The following MYO7B variants were observed in gnomAD, a reference collection of about 807,000 sequenced individuals.
MYO7B encodes unconventional myosin-VIIb.
MYO7B carries 212 observed loss-of-function variants against 259.7 expected under a neutral mutation model. The observed-to-expected ratio is 0.82, with a 90% CI of 0.73 to 0.91. The LOEUF is 0.91. MYO7B is among the 40% of genes least tolerant of loss of function. The pLI is 0.00. For synonymous variants in MYO7B, 1,197 were observed against 1,166.4 expected (o/e 1.03, Z -0.54); for missense variants, 2,732 against 2,813.5 (o/e 0.97, Z 0.66).
chr2:127,629,538 C>T (rs1383020109), intron 34 of MYO7B, 107 bp from the exon 35 acceptor site: 3 of 1,148,258 alleles, frequency 2.6e-6, no homozygotes, highest in African/African-American at 3.2e-5. Context: ...CTTCTGCCCA[C>T]CACTCTATGC....
intron 1 of MYO7B, among the ~76,000 whole-genome samples, chr2:127,550,304 G>A (rs1693398397): frequency 6.6e-6 from 1 of 152,214 alleles, no homozygotes; most frequent in African/African-American, 2.4e-5. Flanking sequence ...AGTGGCTCAT[G>A]CCTGTAATCC....
intron 29 of MYO7B, 95 bp downstream of exon 29, chr2:127,623,470 A>G: frequency 7.6e-7 from 1 of 1,311,474 alleles, no homozygotes; most frequent in Non-Finnish European, 1.0e-6. Flanking sequence ...CAGCCCGGCC[A>G]CCACCTACCC....
chr2:127,589,852 G>A (rs1254750289), intron 15 of MYO7B, among the ~76,000 whole-genome samples: 22 of 136,436 alleles, frequency 1.6e-4, no homozygotes, highest in African/African-American at 5.8e-4. Flanking sequence ...TGGATGGGTG[G>A]TGGGCGGGTG....
chr2:127,603,836 A>G (rs1159118716), intron 19 of MYO7B, among the ~76,000 whole-genome samples: 3 of 152,238 alleles, frequency 2.0e-5, no homozygotes, highest in Admixed American at 2.0e-4. Flanking sequence ...TGTTTTGTCT[A>G]CATTGAAAAT....
intron 9 of MYO7B, among the ~76,000 whole-genome samples, chr2:127,578,991 T>G (rs1678996350): frequency 6.6e-6 from 1 of 151,722 alleles, no homozygotes; most frequent in Admixed American, 6.6e-5. Flanking sequence ...ACATAGAAAT[T>G]CCATTCTAAA....
At chr2:127,551,006 C>A (rs1028955712) in intron 1 of MYO7B, among the ~76,000 whole-genome samples, 1 of 147,380 alleles carries the variant, frequency 6.8e-6, no homozygotes, top group South Asian at 2.2e-4. Flanking sequence ...TGGGTGGTTC[C>A]GGCCCAGGGA....
chr2:127,629,551 CG>C (rs1681347276), intron 34 of MYO7B, 93 bp from the exon 35 acceptor site: 1 of 1,260,890 alleles, frequency 7.9e-7, no homozygotes, highest in African/African-American at 1.5e-5. Flanking sequence ...CTCTATGCCT[CG>C]GTTTCATCTG....
In MYO7B at chr2:127,623,253, G is replaced by A. The variant is rs1195860795; in HGVS notation, c.3697G>A (p.Glu1233Lys). ...CATCCAAGTCATCTTGGCCACTGGA[G>A]AGAGCCTAACCGTCCCCGTGGACTC... ...IPIQVILATG[E>K]SLTVPVDSAS... The change falls in exon 29 of 48, where the codon GAG (glutamate) becomes AAG (lysine). Residue 1233 changes from glutamate (E) to lysine (K), a missense_variant. This residue lies in a region of MYO7B where 1,906 missense variants were observed against 2,026.4 expected (regional missense o/e 0.94). Transcript: ENST00000409816. 8.7e-6 allele frequency: 14 copies of A among 1,613,724 alleles called. No homozygotes were observed. Among genetic ancestry groups the A allele is most frequent in the Non-Finnish European group, 1.2e-5 (14 of 1,179,806 alleles).
intron 19 of MYO7B, among the ~76,000 whole-genome samples, chr2:127,603,300 A>G (rs908808814): frequency 2.0e-5 from 3 of 152,196 alleles, no homozygotes; most frequent in Non-Finnish European, 2.9e-5. Flanking sequence ...GCCCAGATCT[A>G]TTAGGAGAAT....
At position 127,623,334 on chromosome 2, in the gene MYO7B, G is replaced by A. The variant is rs1558843520; in HGVS notation, c.3778G>A (p.Asp1260Asn). The A allele has an allele frequency of 3.7e-6, 6 of 1,609,140 alleles. No individual in the cohort carries two copies. The highest frequency in any genetic ancestry group is 2.2e-5 in the South Asian group (2 of 90,626). The stretch of plus-strand genomic sequence containing the variant: ...CATCGCTCACAAGCAGGGCCTCAGC[G>A]ACCACCTGGGCTTCTCCCTCCAGGT... ...MHIAHKQGLSDHLGFSLQVAV... is the reference protein window; with the variant it reads ...MHIAHKQGLSNHLGFSLQVAV... The change falls in exon 29 of 48, where the codon GAC (aspartate) becomes AAC (asparagine). Residue 1260 changes from aspartate (D) to asparagine (N), a missense_variant. Physicochemically the swap from Asp to Asn is conservative, Grantham distance 23. Coordinates refer to ENST00000409816, the MANE Select transcript of MYO7B (RefSeq NM_001393586.1).
At chr2:127,630,954 C>A in intron 36 of MYO7B, 46 bp downstream of exon 36, 1 of 1,519,966 alleles carries the variant, frequency 6.6e-7, no homozygotes, top group Non-Finnish European at 8.9e-7. Context: ...CACCTCCCAG[C>A]CCCACCTCAC....
rs1416489546 is a variant in MYO7B at position 127,634,973 on chromosome 2, T to C, written c.5714-147T>C. The C allele has an allele frequency of 1.4e-5, 10 of 703,346 alleles. No individual in the cohort carries two copies. The East Asian group carries it at 2.2e-4, about 15-fold the overall frequency. The allele number at this position is 703,346 out of a possible 1,614,324, so 43.6% of individuals were successfully genotyped here. ...GGAGAAGGCAGCCTCTACACTAATA[T>C]TGAAGGAAAATGTGGGGACTGGGGA... On this transcript the variant is annotated intron_variant, in intron 42 of 47. Transcript: ENST00000409816.
intron 18 of MYO7B, among the ~76,000 whole-genome samples, chr2:127,593,967 C>T (rs564315078): frequency 8.5e-5 from 13 of 152,336 alleles, no homozygotes; most frequent in African/African-American, 2.6e-4. Flanking sequence ...GAGCTCAGGG[C>T]GGTCTGCCGG....
At position 127,539,055 on chromosome 2, in the gene MYO7B, G is replaced by A. The variant is rs1281668813; in HGVS notation, c.-24+3224G>A. On this transcript the variant is annotated intron_variant, in intron 1 of 47. Transcript: ENST00000409816. This position sits in a 1 kb window ranked among gnomAD's most constrained non-coding sequence, Gnocchi z 4.0. The stretch of plus-strand genomic sequence containing the variant: ...CTGTCTGAGCTCCTACTCTGTTCTG[G>A]GGGCTGGGGGCAGAGTACTGAGGGT... Among the ~76,000 whole-genome samples, 1 of 152,142 alleles carries A rather than the reference G, an allele frequency of 6.6e-6. No individual in the cohort carries two copies. The highest frequency in any genetic ancestry group is 2.4e-5 in the African/African-American group (1 of 41,410).
Position 127,569,504 on chromosome 2 carries a change from G to A in MYO7B, c.471-285G>A, listed in dbSNP as rs113373020. Among the ~76,000 whole-genome samples the A allele has an allele frequency of 3.6e-3, 551 of 152,290 alleles. 7 individuals are homozygous for A. The highest frequency in any genetic ancestry group is 0.012 in the African/African-American group (508 of 41,560). On this transcript the variant is annotated intron_variant, in intron 5 of 47. Transcript: ENST00000409816. ...AGTCATCTCACTCAGTCTTCTGTACGTCCTGGGCACTGTGGTGCTGACCCT... is the reference window on the plus strand; with the variant it reads ...AGTCATCTCACTCAGTCTTCTGTACATCCTGGGCACTGTGGTGCTGACCCT...
intron 6 of MYO7B, 60 bp from the exon 7 acceptor site, chr2:127,573,860 C>G (rs992367583): frequency 6.2e-7 from 1 of 1,601,092 alleles, no homozygotes; most frequent in Non-Finnish European, 8.5e-7. Context: ...TACATGATCC[C>G]ACTCAAATTA....
At position 127,581,276 on chromosome 2, in the gene MYO7B, GT is replaced by G. The variant is rs1353153651; in HGVS notation, c.1080+456del. 1.3e-5 allele frequency among the ~76,000 whole-genome samples: 2 copies of G among 152,154 alleles called. 1 individual carries two copies. Among genetic ancestry groups the G allele is most frequent in the African/African-American group, 4.8e-5 (2 of 41,424 alleles). On this transcript the variant is annotated intron_variant, in intron 10 of 47. Transcript: ENST00000409816. ...GCCCATCCCATTAGCCTTCCCGGTTGTTCCCCAGTCCAAATGCAGCCTTGGC... is the reference window on the plus strand; with the variant it reads ...GCCCATCCCATTAGCCTTCCCGGTTGTCCCCAGTCCAAATGCAGCCTTGGC...
intron 3 of MYO7B, among the ~76,000 whole-genome samples, 197 bp from the exon 4 acceptor site, chr2:127,565,036 T>C (rs1359806072): frequency 6.6e-6 from 1 of 152,206 alleles, no homozygotes; most frequent in African/African-American, 2.4e-5. Context: ...CAGCCATAGA[T>C]GGACCGGATC....
At chr2:127,568,625 G>A (rs920908939) in intron 5 of MYO7B, among the ~76,000 whole-genome samples, 4 of 152,192 alleles carry the variant, frequency 2.6e-5, no homozygotes, top group Admixed American at 6.5e-5. Flanking sequence ...GGCCGGGTGC[G>A]GTAGCTCACG....
Sources: gnomAD v4.1 joint callset for allele counts (sites outside exome capture counted in the v4.1 genomes callset) on GRCh38, gnomAD v4.1.1 for gene constraint, gnomAD v4.1.1 regional missense constraint, Gnocchi (gnomAD v3.1) non-coding constraint, MANE v1.5 for transcripts, NCBI Gene and HGNC (gene_info 2026-07-23, HGNC 2026-07-21) for gene names.